ANKRD11: variants seen among roughly 807,000 people sequenced by gnomAD.
The protein encoded by ANKRD11 is ankyrin repeat domain 11.
ANKRD11 carries 17 observed loss-of-function variants against 195.7 expected under a neutral mutation model. The observed-to-expected ratio is 0.09, with a 90% CI of 0.06 to 0.13. ANKRD11 has a LOEUF of 0.13. Among genes scored for constraint, ANKRD11 ranks in the 10% least tolerant of loss-of-function variants. The probability of loss-of-function intolerance (pLI) is 1.00; values close to 1 mark genes in which losing one functional copy is unlikely to be tolerated. For missense variants in ANKRD11, 3,735 were observed against 3,566.1 expected (o/e 1.05, Z -1.21); for synonymous variants, 1,953 against 1,528.1 (o/e 1.28, Z -6.49).
At chr16:89,335,636 T>G (rs919730759) in intron 2 of ANKRD11, among the ~76,000 whole-genome samples, 2 of 152,116 alleles carry the variant, frequency 1.3e-5, no homozygotes, top group African/African-American at 4.8e-5. Flanking sequence ...ACACACAAGC[T>G]GAGGTAAGAT....
intron 1 of ANKRD11, among the ~76,000 whole-genome samples, chr16:89,430,362 A>C (rs1035555361): frequency 7.0e-6 from 1 of 143,508 alleles, no homozygotes; most frequent in African/African-American, 2.6e-5. Flanking sequence ...CTCAACTCTC[A>C]CGCTCAGTCG....
At chr16:89,324,196 G>C (rs1419442083) in intron 2 of ANKRD11, 2 of 1,180,300 alleles carry the variant, frequency 1.7e-6, no homozygotes, top group Admixed American at 3.8e-5. Context: ...GCAGCACCGA[G>C]AGCGCGTTCA....
intron 1 of ANKRD11, among the ~76,000 whole-genome samples, chr16:89,460,227 G>A (rs940589876): frequency 2.0e-5 from 3 of 151,980 alleles, no homozygotes; most frequent in Non-Finnish European, 2.9e-5. Context: ...AACAGACTAA[G>A]ACACCGTCTC....
chr16:89,357,363 G>T (rs1451088649), intron 2 of ANKRD11, among the ~76,000 whole-genome samples: 1 of 152,146 alleles, frequency 6.6e-6, no homozygotes. Flanking sequence ...CACCTCACAG[G>T]GAACCAGGGG....
chr16:89,401,106 C>A (rs1172457021), intron 2 of ANKRD11, among the ~76,000 whole-genome samples: 1 of 150,258 alleles, frequency 6.7e-6, no homozygotes, highest in Non-Finnish European at 1.5e-5. Context: ...CCGCCCTCCC[C>A]CTCCCCAGAG....
intron 2 of ANKRD11, among the ~76,000 whole-genome samples, chr16:89,415,817 T>C (rs1903025560): frequency 4.0e-5 from 2 of 49,502 alleles, no homozygotes; most frequent in Admixed American, 2.4e-4. Flanking sequence ...ACAACAAAGC[T>C]AGACTCTGTC....
At chr16:89,402,455 A>C (rs561108980) in intron 2 of ANKRD11, among the ~76,000 whole-genome samples, 12 of 152,104 alleles carry the variant, frequency 7.9e-5, no homozygotes, top group Non-Finnish European at 1.3e-4. Flanking sequence ...CGAGGCGGGA[A>C]GATCGGTTGA....
At chr16:89,467,665 ACT>A (rs752212167) in intron 1 of ANKRD11, among the ~76,000 whole-genome samples, 6 of 151,756 alleles carry the variant, frequency 4.0e-5, no homozygotes, top group Non-Finnish European at 8.8e-5. Flanking sequence ...ACCCTGTATC[ACT>A]CTTCAACACG....
intron 2 of ANKRD11, chr16:89,360,703 G>A (rs891940043): frequency 2.0e-5 from 3 of 152,182 alleles, no homozygotes; most frequent in African/African-American, 7.2e-5. Flanking sequence ...GTCATACGTG[G>A]ACTCCCTTTC....
At chr16:89,355,563 C>CG (rs1382255526) in intron 2 of ANKRD11, among the ~76,000 whole-genome samples, 1 of 152,148 alleles carries the variant, frequency 6.6e-6, no homozygotes, top group Non-Finnish European at 1.5e-5. Context: ...CCAGCAGGGA[C>CG]GGCCCCAGAC....
chr16:89,460,245 A>G (rs2056605043), intron 1 of ANKRD11, among the ~76,000 whole-genome samples: 1 of 152,148 alleles, frequency 6.6e-6, no homozygotes, highest in Admixed American at 6.5e-5. Flanking sequence ...CTCAAAAACA[A>G]CAAGAACAAA....
chr16:89,415,056 C>T (rs1283760121), intron 2 of ANKRD11, among the ~76,000 whole-genome samples: 1 of 151,218 alleles, frequency 6.6e-6, no homozygotes, highest in Non-Finnish European at 1.5e-5. Context: ...GTGATCCTTC[C>T]TCCCCGCTCA....
chr16:89,368,512 G>A lies in ANKRD11; in HGVS notation c.-60+49772C>T, dbSNP rs553639944. ...TGGGATTACAGGCATGAGCCACCGC[G>A]CCCAGCCCAGAGCTTCTTTTGTGCA... On this transcript the variant is annotated intron_variant, in intron 2 of 12. Coordinates refer to ENST00000301030, the MANE Select transcript of ANKRD11 (RefSeq NM_013275.6). 6.2e-5 allele frequency among the ~76,000 whole-genome samples: 9 copies of A among 146,092 alleles called. No individual in the cohort carries two copies. The South Asian group carries it at 9.1e-4, about 15-fold the overall frequency.
chr16:89,283,279 T>C lies in ANKRD11; in HGVS notation c.3263A>G (p.Glu1088Gly), dbSNP rs1339288172. 1.2e-6 allele frequency: 2 copies of C among 1,614,188 alleles called. No homozygotes were observed. The highest frequency in any genetic ancestry group is 1.3e-5 in the African/African-American group (1 of 75,064). ...TGAGATGATCCCAGGGAAAGCCTTC[T>C]CCTTCTTCTCTTTCCCTTGGTCGAG... ...ASLDQGKEKK[E>G]KAFPGIISED... Residue 1088 changes from glutamate (E) to glycine (G), a missense_variant, in exon 9 of 13, where the codon GAG becomes GGG. By Grantham distance (98) the Glu-to-Gly change is moderately conservative. Transcript: ENST00000301030. The surrounding 1 kb of genome is among the most constrained non-coding windows in gnomAD (Gnocchi z 4.3).
chr16:89,408,972 G>T (rs540454642), intron 2 of ANKRD11, among the ~76,000 whole-genome samples: 19 of 152,194 alleles, frequency 1.2e-4, no homozygotes, highest in African/African-American at 4.6e-4. Flanking sequence ...AAAGTAGGAG[G>T]AATACAGAAA....
At position 89,284,036 on chromosome 16, in the gene ANKRD11, C is replaced by A; in HGVS notation, c.2506G>T (p.Asp836Tyr). ...NEDTKFSLSD[D>Y]QRDRWFSDLS... The stretch of plus-strand genomic sequence containing the variant: ...TCAGAAAACCACCGATCTCGCTGAT[C>A]GTCAGAAAGGCTAAATTTGGTGTCT... The change falls in exon 9 of 13, where the codon GAT becomes TAT. Residue 836 changes from aspartate to tyrosine, a missense_variant. Physicochemically the swap from Asp to Tyr is radical, Grantham distance 160 (BLOSUM62 -3). Transcript: ENST00000301030. 1 of 1,614,114 alleles carries A rather than the reference C, an allele frequency of 6.2e-7. No individual in the cohort carries two copies. The highest frequency in any genetic ancestry group is 8.5e-7 in the Non-Finnish European group (1 of 1,180,034).
chr16:89,281,967 G>A lies in ANKRD11; in HGVS notation c.4575C>T (p.Leu1525=), dbSNP rs779375654. 14 of 1,612,586 alleles carry A rather than the reference G, an allele frequency of 8.7e-6. No homozygotes were observed. The highest frequency in any genetic ancestry group is 4.5e-5 in the East Asian group (2 of 44,888). ...KDKSRDEGPR[L]GDAKLKEKFK... ...ATTTCTCCTTCAGTTTGGCATCGCC[G>A]AGCCTCGGGCCCTCGTCCCTGGACT... The change falls in exon 9 of 13, where the codon CTC becomes CTT. Residue 1525 remains leucine (L), a synonymous_variant. Coordinates refer to ENST00000301030, the MANE Select transcript of ANKRD11 (RefSeq NM_013275.6). The surrounding 1 kb of genome is among the most constrained non-coding windows in gnomAD (Gnocchi z 5.5).
chr16:89,485,753 G>A (rs762143512), intron 1 of ANKRD11, among the ~76,000 whole-genome samples: 13 of 152,154 alleles, frequency 8.5e-5, no homozygotes, highest in East Asian at 5.8e-4. Context: ...CCTCCATTTC[G>A]TTGTCTTTCC....
At chr16:89,446,299 T>A (rs1305402414) in intron 1 of ANKRD11, among the ~76,000 whole-genome samples, 2 of 152,088 alleles carry the variant, frequency 1.3e-5, no homozygotes, top group African/African-American at 4.8e-5. Flanking sequence ...GACAGCTGCA[T>A]CTAAACAGTT....
Sources: allele counts gnomAD v4.1 joint callset (sites outside exome capture counted in the v4.1 genomes callset), GRCh38; gene constraint gnomAD v4.1.1; non-coding constraint Gnocchi (gnomAD v3.1); transcripts MANE v1.5; gene names NCBI Gene and HGNC (gene_info 2026-07-23, HGNC 2026-07-21).